The following DLG1 variants were observed in gnomAD, a reference collection of about 807,000 sequenced individuals.
DLG1 encodes the protein disks large homolog 1.
DLG1 carries 42 observed loss-of-function variants against 123.4 expected under a neutral mutation model. The ratio of observed to expected loss-of-function variants is 0.34; its 90% CI spans 0.27 to 0.44. DLG1 has a LOEUF of 0.44. Ranked by LOEUF, DLG1 falls within the 20% of genes least tolerant of loss-of-function variation. The probability of loss-of-function intolerance (pLI) is 1.00; values close to 1 mark genes in which losing one functional copy is unlikely to be tolerated. For synonymous variants in DLG1, 317 were observed against 356.2 expected (o/e 0.89, Z 1.24); for missense variants, 942 against 1,082.6 (o/e 0.87, Z 1.82).
At position 197,168,002 on chromosome 3, in the gene DLG1, A is replaced by G. The variant is rs577974392; in HGVS notation, c.484-18206T>C. 1.9e-3 allele frequency among the ~76,000 whole-genome samples: 284 copies of G among 152,356 alleles called. 2 individuals are homozygous for G. The highest frequency in any genetic ancestry group is 4.4e-3 in the Admixed American group (67 of 15,304). On this transcript the variant is annotated intron_variant, in intron 5 of 24. Transcript: ENST00000667157. Reference sequence around the variant, plus strand: ...CTACTTTGATAGCCAAAATAAGACAAAAGTACATGCTTATGTCAAATTTCA... The same window carrying G: ...CTACTTTGATAGCCAAAATAAGACAGAAGTACATGCTTATGTCAAATTTCA...
rs1241871166 is a variant in DLG1 at position 197,065,727 on chromosome 3, T to C, written c.2181A>G (p.Lys727=). The change falls in exon 21 of 25, where the codon AAA becomes AAG. Residue 727 remains lysine (K), a synonymous_variant. Coordinates refer to ENST00000667157, the MANE Select transcript of DLG1 (RefSeq NM_001366207.1). ...ACTTACGAGGAACACAGGATCCAAA[T>C]TTGTCAGGAAATTCTGAGATCAAGT... ...NDDLISEFPD[K]FGSCVPHTTR... is the part of the protein sequence containing the mutation. 1 of 1,610,796 alleles carries C rather than the reference T, an allele frequency of 6.2e-7. No homozygotes were observed. Among genetic ancestry groups the C allele is most frequent in the Admixed American group, 1.7e-5 (1 of 59,756 alleles).
chr3:197,273,120 T>C (rs1764619635), intron 4 of DLG1, among the ~76,000 whole-genome samples: 1 of 152,130 alleles, frequency 6.6e-6, no homozygotes, highest in South Asian at 2.1e-4. Flanking sequence ...AAGAATATTA[T>C]ACAGTATTTC....
intron 4 of DLG1, among the ~76,000 whole-genome samples, chr3:197,237,460 T>C (rs1746572808): frequency 6.6e-6 from 1 of 152,182 alleles, no homozygotes; most frequent in Admixed American, 6.5e-5. Context: ...AGGGGCAGCC[T>C]AGCAAGATAC....
chr3:197,254,211 A>T (rs1755807055), intron 4 of DLG1, among the ~76,000 whole-genome samples: 3 of 152,230 alleles, frequency 2.0e-5, no homozygotes, highest in Admixed American at 2.0e-4. Context: ...GCATTTACTG[A>T]GGGTACAGCA....
intron 4 of DLG1, among the ~76,000 whole-genome samples, chr3:197,252,724 G>A (rs1031380831): frequency 3.9e-5 from 6 of 152,130 alleles, no homozygotes; most frequent in Non-Finnish European, 8.8e-5. Flanking sequence ...AACTTAAAAT[G>A]GTTAGGATAA....
At chr3:197,148,025 A>G (rs1791836250) in intron 6 of DLG1, among the ~76,000 whole-genome samples, 2 of 151,770 alleles carry the variant, frequency 1.3e-5, no homozygotes, top group Admixed American at 6.6e-5. Flanking sequence ...TAAACACCTA[A>G]AAGTCAATTA....
At chr3:197,050,466 T>C (rs1212834705) in intron 24 of DLG1, among the ~76,000 whole-genome samples, 3 of 152,042 alleles carry the variant, frequency 2.0e-5, no homozygotes, top group Non-Finnish European at 4.4e-5. Context: ...ATATGGTATA[T>C]ATACAACAAT....
At chr3:197,187,514 GT>G (rs1240988011) in intron 5 of DLG1, among the ~76,000 whole-genome samples, 1 of 152,080 alleles carries the variant, frequency 6.6e-6, no homozygotes, top group Non-Finnish European at 1.5e-5. Context: ...TGTTTTTTCT[GT>G]TTGATTTCAA....
chr3:197,075,175 G>A (rs940619594), intron 18 of DLG1, among the ~76,000 whole-genome samples: 3 of 151,726 alleles, frequency 2.0e-5, no homozygotes, highest in African/African-American at 7.3e-5. Flanking sequence ...TAGACCCTGT[G>A]TGAAGCTTTA....
At chr3:197,272,839 G>A (rs993201481) in intron 4 of DLG1, among the ~76,000 whole-genome samples, 2 of 152,204 alleles carry the variant, frequency 1.3e-5, no homozygotes, top group Admixed American at 6.5e-5. Context: ...AGAGGGGATA[G>A]GTAGTAAATA....
At chr3:197,256,604 C>T (rs1756979457) in intron 4 of DLG1, among the ~76,000 whole-genome samples, 1 of 152,156 alleles carries the variant, frequency 6.6e-6, no homozygotes, top group South Asian at 2.1e-4. Context: ...ATTTAAATTC[C>T]AAATTTTTTT....
intron 5 of DLG1, among the ~76,000 whole-genome samples, chr3:197,154,267 A>C (rs1220097929): frequency 1.3e-5 from 2 of 152,116 alleles, no homozygotes; most frequent in African/African-American, 4.8e-5. Flanking sequence ...ACACCACTGT[A>C]CTCTAGCCTG....
At chr3:197,185,166 A>G (rs577617249) in intron 5 of DLG1, among the ~76,000 whole-genome samples, 2 of 152,334 alleles carry the variant, frequency 1.3e-5, no homozygotes, top group Admixed American at 1.3e-4. Flanking sequence ...TTTTAAGCTG[A>G]TAAGAGCATA....
intron 4 of DLG1, among the ~76,000 whole-genome samples, chr3:197,247,165 T>C (rs1752135700): frequency 6.6e-6 from 1 of 151,956 alleles, no homozygotes. Context: ...GGAAAGAGAG[T>C]TGGAGTTGAT....
At chr3:197,100,622 T>C (rs1762946649) in intron 14 of DLG1, among the ~76,000 whole-genome samples, 1 of 152,080 alleles carries the variant, frequency 6.6e-6, no homozygotes, top group Non-Finnish European at 1.5e-5. Context: ...AGATTAAATA[T>C]TTGAGGTGAG....
intron 3 of DLG1, among the ~76,000 whole-genome samples, chr3:197,284,204 G>A (rs1335531522): frequency 6.6e-6 from 1 of 152,052 alleles, no homozygotes; most frequent in South Asian, 2.1e-4. Context: ...AACTTTCCAA[G>A]TAAAGGGCTG....
chr3:197,090,894 A>G lies in DLG1; in HGVS notation c.1661+18T>C. The G allele has an allele frequency of 6.8e-7, 1 of 1,465,754 alleles. No individual in the cohort carries two copies. Among genetic ancestry groups the G allele is most frequent in the Non-Finnish European group, 9.4e-7 (1 of 1,062,198 alleles). 90.8% of individuals were successfully genotyped at this position (1,465,754 alleles called of 1,614,324 possible). On this transcript the variant is annotated intron_variant, in intron 15 of 24. Transcript: ENST00000667157. ...TAACTAATTAAGATTTGCCATAATT[A>G]GAAGTAAAAAAATTTACCTGACATA... is the stretch of plus-strand genomic sequence containing the variant.
At chr3:197,066,793 G>C (rs1233526091) in intron 19 of DLG1, 39 bp from the exon 20 acceptor site, 11 of 1,333,468 alleles carry the variant, frequency 8.2e-6, no homozygotes, top group Non-Finnish European at 1.2e-5. Context: ...AATGTGTAAA[G>C]ATAATTGATG....
At position 197,077,516 on chromosome 3, in the gene DLG1, T is replaced by C. The variant is rs935332290; in HGVS notation, c.1906-831A>G. 2.3e-4 allele frequency among the ~76,000 whole-genome samples: 35 copies of C among 152,276 alleles called. 1 individual carries two copies. Among genetic ancestry groups the C allele is most frequent in the Non-Finnish European group, 4.6e-4 (31 of 68,014 alleles). ...TCTACTTATTAAAAAAAAGTACACA[T>C]AAATAATGTAGAACCACATCCAATC... is the stretch of plus-strand genomic sequence containing the variant. On this transcript the variant is annotated intron_variant, in intron 17 of 24. Transcript: ENST00000667157.
Sources: allele counts gnomAD v4.1 joint callset (sites outside exome capture counted in the v4.1 genomes callset), GRCh38; gene constraint gnomAD v4.1.1; transcripts MANE v1.5; gene names NCBI Gene and HGNC (gene_info 2026-07-23, HGNC 2026-07-21).